Variants in ZNF592 observed in about 807,000 individuals in gnomAD.
The protein encoded by ZNF592 is spinocerebellar ataxia, autosomal recessive 5.
Under a neutral mutation model 80.3 loss-of-function variants are expected in ZNF592, and 11 were observed. The ratio of observed to expected loss-of-function variants is 0.14; its 90% CI spans 0.09 to 0.23. The LOEUF (loss-of-function observed/expected upper bound fraction) is 0.23, where lower values mean the gene tolerates loss of function less well. ZNF592 is among the 10% of genes least tolerant of loss of function. ZNF592 has a pLI of 1.00. For missense variants in ZNF592, 1,420 were observed against 1,633.9 expected (o/e 0.87, Z 2.26); for synonymous variants, 646 against 640.3 (o/e 1.01, Z -0.13).
At chr15:84,764,854 C>T (rs899506507) in intron 2 of ZNF592, 39 bp downstream of exon 2, 14 of 398,374 alleles carry the variant, frequency 3.5e-5, no homozygotes, top group African/African-American at 2.3e-4. Context: ...CCTTGAAAAG[C>T]CAAGAGTTTG....
chr15:84,797,986 C>A lies in ZNF592; in HGVS notation c.2517C>A (p.Ala839=). The change falls in exon 6 of 11, where the codon GCC becomes GCA. Residue 839 remains alanine, a synonymous_variant. Coordinates refer to ENST00000560079, the MANE Select transcript of ZNF592 (RefSeq NM_014630.3). ...TCTGCCCCATGGCCTTCAAGACTGC[C>A]AGCAGCACTGCAGACCACAGTGCCA... ...CAFCPMAFKT[A]SSTADHSATQ... is the part of the protein sequence containing the mutation. The A allele has an allele frequency of 6.2e-7, 1 of 1,614,202 alleles. No individual in the cohort carries two copies. Among genetic ancestry groups the A allele is most frequent in the Admixed American group, 1.7e-5 (1 of 60,034 alleles).
At chr15:84,791,506 A>G (rs1177304257) in intron 5 of ZNF592, among the ~76,000 whole-genome samples, 2 of 152,218 alleles carry the variant, frequency 1.3e-5, no homozygotes, top group Non-Finnish European at 1.5e-5. Context: ...ACTTCCCTCT[A>G]GAGCTCATTG....
chr15:84,751,145 G>A (rs1899002336), intron 1 of ZNF592, among the ~76,000 whole-genome samples: 1 of 152,084 alleles, frequency 6.6e-6, no homozygotes, highest in Non-Finnish European at 1.5e-5. Flanking sequence ...TTTTAGGAAG[G>A]GAAGGCAAAA....
intron 1 of ZNF592, among the ~76,000 whole-genome samples, chr15:84,750,706 G>T (rs1036578118): frequency 1.3e-5 from 2 of 152,190 alleles, no homozygotes; most frequent in Non-Finnish European, 2.9e-5. Flanking sequence ...GGGGCTCAGG[G>T]AAGCCTTCCC....
chr15:84,751,951 A>G (rs1899027705), intron 1 of ZNF592, among the ~76,000 whole-genome samples: 2 of 151,904 alleles, frequency 1.3e-5, no homozygotes, highest in Non-Finnish European at 1.5e-5. Context: ...AACTAGAGAC[A>G]GTGTCTCACT....
At chr15:84,758,448 A>T (rs751024295) in intron 1 of ZNF592, among the ~76,000 whole-genome samples, 2 of 150,742 alleles carry the variant, frequency 1.3e-5, no homozygotes, top group Non-Finnish European at 3.0e-5. Context: ...ACACCAACTA[A>T]TTTTTTTGTA....
rs1424664262 is a variant in ZNF592, at chr15:84,798,921, C to T, written c.3024+46C>T. The T allele has an allele frequency of 1.9e-6, 3 of 1,597,822 alleles. No individual in the cohort carries two copies. Among genetic ancestry groups the T allele is most frequent in the Non-Finnish European group, 2.5e-6 (3 of 1,177,564 alleles). The stretch of plus-strand genomic sequence containing the variant: ...ATAATGCAGAGCCCAGTCCTCTGGA[C>T]TTCCTTCTGTGAAGCCAGAACCCCT... On this transcript the variant is annotated intron_variant, in intron 8 of 10. Coordinates refer to ENST00000560079, the MANE Select transcript of ZNF592 (RefSeq NM_014630.3). The surrounding 1 kb of genome is among the most constrained non-coding windows in gnomAD (Gnocchi z 4.5).
chr15:84,752,222 T>G (rs1244983726), intron 1 of ZNF592, among the ~76,000 whole-genome samples: 2 of 152,208 alleles, frequency 1.3e-5, no homozygotes, highest in South Asian at 2.1e-4. Flanking sequence ...ATGTTCCATG[T>G]GATCAGTCAT....
At chr15:84,794,195 C>T (rs1270784120) in intron 5 of ZNF592, among the ~76,000 whole-genome samples, 2 of 152,122 alleles carry the variant, frequency 1.3e-5, no homozygotes, top group Non-Finnish European at 2.9e-5. Flanking sequence ...ACCTATGTAA[C>T]AAACCTGCAC....
intron 4 of ZNF592, 126 bp downstream of exon 4, chr15:84,785,021 T>C (rs2141988327): frequency 1.8e-6 from 2 of 1,132,116 alleles, no homozygotes; most frequent in Non-Finnish European, 2.6e-6. Flanking sequence ...TAGAAGAGGA[T>C]GTCTGCCTGA....
chr15:84,797,548 T>C (rs1246698094), intron 5 of ZNF592, among the ~76,000 whole-genome samples: 1 of 152,188 alleles, frequency 6.6e-6, no homozygotes, highest in Non-Finnish European at 1.5e-5. Context: ...CCTCTCCACT[T>C]CCACCAACTT....
rs148891894 is a variant in ZNF592, at chr15:84,754,413, C to T, written c.-259+5749C>T. ...CCCATCTCTACTAAAAATACAAAAACAAGCTGATTGTGGTGGCACACGCCT... is the reference window on the plus strand; with the variant it reads ...CCCATCTCTACTAAAAATACAAAAATAAGCTGATTGTGGTGGCACACGCCT... On this transcript the variant is annotated intron_variant, in intron 1 of 10. Coordinates refer to ENST00000560079, the MANE Select transcript of ZNF592 (RefSeq NM_014630.3). The T allele has an allele frequency of 4.0e-3, 604 of 151,376 alleles. 2 individuals are homozygous for T. The highest frequency in any genetic ancestry group is 0.014 in the African/African-American group (574 of 41,202). The allele number at this position is 151,376 out of a possible 1,614,324, so 9.4% of individuals were successfully genotyped here. A position where few individuals can be genotyped will look rare whatever the true frequency, so the allele number is the denominator to read the frequency against.
chr15:84,794,774 G>T (rs760303490), intron 5 of ZNF592, among the ~76,000 whole-genome samples: 2 of 152,150 alleles, frequency 1.3e-5, no homozygotes, highest in Non-Finnish European at 2.9e-5. Context: ...ACTGCTCCCG[G>T]CCTGGACTCC....
chr15:84,781,129 A>G (rs936950389), intron 3 of ZNF592, among the ~76,000 whole-genome samples: 2 of 151,610 alleles, frequency 1.3e-5, no homozygotes, highest in African/African-American at 4.9e-5. Context: ...ACTCATGGCA[A>G]CCTCCACCTC....
chr15:84,783,044 C>T lies in ZNF592; in HGVS notation c.369C>T (p.Phe123=), dbSNP rs761678287. Reference sequence around the variant, plus strand: ...TGAATGGAGACAGTGCCAGGAGTTTCCCTGGCAAACTGGAGCCTCCCAAGT... The same window carrying T: ...TGAATGGAGACAGTGCCAGGAGTTTTCCTGGCAAACTGGAGCCTCCCAAGT... The part of the protein sequence containing the change: ...TFMNGDSARS[F]PGKLEPPKSE... Residue 123 remains phenylalanine, a synonymous_variant, in exon 4 of 11, where the codon TTC becomes TTT. Transcript: ENST00000560079. The surrounding 1 kb of genome is among the most constrained non-coding windows in gnomAD (Gnocchi z 5.0). The T allele has an allele frequency of 1.9e-6, 3 of 1,614,050 alleles. No homozygotes were observed. The East Asian group carries it at 6.7e-5, about 36-fold the overall frequency.
rs1962989616 is a variant in ZNF592, at chr15:84,798,455, A to T, written c.2717A>T (p.Glu906Val). Residue 906 changes from glutamate to valine, a missense_variant, in exon 7 of 11, where the codon GAG (glutamate) becomes GTG (valine). Coordinates refer to ENST00000560079, the MANE Select transcript of ZNF592 (RefSeq NM_014630.3). The surrounding 1 kb of genome is among the most constrained non-coding windows in gnomAD (Gnocchi z 4.5). Reference protein sequence around the residue: ...ECPLLFVQKPELMQHVKSTHG... With the variant: ...ECPLLFVQKPVLMQHVKSTHG... Reference sequence around the variant, plus strand: ...CCACTCTTGTTCGTGCAGAAGCCGGAGTTGATGCAACACGTCAAGGTGGGA... The same window carrying T: ...CCACTCTTGTTCGTGCAGAAGCCGGTGTTGATGCAACACGTCAAGGTGGGA... 3 of 1,613,868 alleles carry T rather than the reference A, an allele frequency of 1.9e-6. No homozygotes were observed. Among genetic ancestry groups the T allele is most frequent in the Non-Finnish European group, 2.5e-6 (3 of 1,179,918 alleles).
intron 1 of ZNF592, chr15:84,753,253 G>C (rs1242676442): frequency 6.6e-6 from 1 of 152,248 alleles, no homozygotes; most frequent in Non-Finnish European, 1.5e-5. Context: ...AGTAGTGTGC[G>C]TAAATTTGTG....
At chr15:84,785,496 G>C (rs571585367) in intron 4 of ZNF592, among the ~76,000 whole-genome samples, 28 of 152,248 alleles carry the variant, frequency 1.8e-4, no homozygotes, top group African/African-American at 6.0e-4. Context: ...ATTTTTAGTA[G>C]AGACAGGGTT....
Position 84,783,787 on chromosome 15 carries a change from C to T in ZNF592, c.1112C>T (p.Ala371Val), listed in dbSNP as rs1412394318. Residue 371 changes from alanine (A) to valine (V), a missense_variant, in exon 4 of 11, where the codon GCA becomes GTA. Physicochemically the swap from Ala to Val is moderately conservative, Grantham distance 64. Coordinates refer to ENST00000560079, the MANE Select transcript of ZNF592 (RefSeq NM_014630.3). The surrounding 1 kb of genome is among the most constrained non-coding windows in gnomAD (Gnocchi z 5.0). ...SPSVAASSPP[A>V]IPKVRIKTIK... is the part of the protein sequence containing the mutation. The stretch of plus-strand genomic sequence containing the variant: ...TCTGTGGCTGCCAGCTCCCCACCAG[C>T]AATTCCCAAAGTGAGAATCAAAACC... The T allele has an allele frequency of 1.2e-6, 2 of 1,614,098 alleles. No individual in the cohort carries two copies. Among genetic ancestry groups the T allele is most frequent in the East Asian group, 2.2e-5 (1 of 44,898 alleles).
Sources: allele counts gnomAD v4.1 joint callset (sites outside exome capture counted in the v4.1 genomes callset), GRCh38; gene constraint gnomAD v4.1.1; non-coding constraint Gnocchi (gnomAD v3.1); transcripts MANE v1.5; gene names NCBI Gene and HGNC (gene_info 2026-07-23, HGNC 2026-07-21).